TRIM44: variants seen among roughly 807,000 people sequenced by gnomAD.
TRIM44 encodes tripartite motif containing 44, also known as tripartite motif-containing protein 44.
TRIM44 carries 13 observed loss-of-function variants against 37.4 expected under a neutral mutation model. The ratio of observed to expected loss-of-function variants is 0.35; its 90% CI spans 0.23 to 0.55. The LOEUF is 0.55. Ranked by LOEUF, TRIM44 falls within the 20% of genes least tolerant of loss-of-function variation. The pLI, the probability that TRIM44 is intolerant of heterozygous loss-of-function variation, is 0.89. For missense variants in TRIM44, 426 were observed against 437.2 expected (o/e 0.97, Z 0.23); for synonymous variants, 175 against 157.2 (o/e 1.11, Z -0.85).
chr11:35,698,270 G>A (rs1404253869), intron 2 of TRIM44, among the ~76,000 whole-genome samples: 9 of 140,008 alleles, frequency 6.4e-5, no homozygotes, highest in African/African-American at 2.5e-4. Flanking sequence ...CTTTATAGCA[G>A]CATGATTTAT....
chr11:35,735,946 G>T (rs879621211), intron 4 of TRIM44, among the ~76,000 whole-genome samples: 3 of 151,972 alleles, frequency 2.0e-5, no homozygotes, highest in Non-Finnish European at 4.4e-5. Context: ...AATGTTCTTT[G>T]TGCTTCTGTA....
intron 1 of TRIM44, among the ~76,000 whole-genome samples, chr11:35,670,110 A>C (rs2135482923): frequency 6.6e-6 from 1 of 152,320 alleles, no homozygotes; most frequent in Non-Finnish European, 1.5e-5. Flanking sequence ...GGTGTGAGCC[A>C]CCATGCCTGG....
chr11:35,790,276 A>G (rs1393493216), intron 4 of TRIM44, among the ~76,000 whole-genome samples: 1 of 152,198 alleles, frequency 6.6e-6, no homozygotes, highest in Non-Finnish European at 1.5e-5. Context: ...GCTGAACTGT[A>G]AGGAACCTTC....
At chr11:35,675,780 A>G (rs1387028802) in intron 1 of TRIM44, among the ~76,000 whole-genome samples, 1 of 152,134 alleles carries the variant, frequency 6.6e-6, no homozygotes, top group African/African-American at 2.4e-5. Context: ...TCGGCCTCCC[A>G]AAGTGCTGGG....
At chr11:35,801,368 T>TAATC (rs1372478653) in intron 4 of TRIM44, among the ~76,000 whole-genome samples, 1 of 152,150 alleles carries the variant, frequency 6.6e-6, no homozygotes, top group Non-Finnish European at 1.5e-5. Flanking sequence ...TTTACAGCAA[T>TAATC]AATCAATTAA....
chr11:35,693,944 T>A (rs548038630), intron 2 of TRIM44, among the ~76,000 whole-genome samples: 1 of 152,134 alleles, frequency 6.6e-6, no homozygotes, highest in South Asian at 2.1e-4. Flanking sequence ...GAGTTTGGAG[T>A]ATGCTCCTTA....
At chr11:35,752,966 T>G (rs1852577211) in intron 4 of TRIM44, among the ~76,000 whole-genome samples, 1 of 152,226 alleles carries the variant, frequency 6.6e-6, no homozygotes, top group Admixed American at 6.5e-5. Flanking sequence ...GGGTAAAAAT[T>G]TTGTCCATTT....
chr11:35,690,536 G>A (rs1040650691), intron 2 of TRIM44, among the ~76,000 whole-genome samples: 2 of 152,128 alleles, frequency 1.3e-5, no homozygotes, highest in Admixed American at 1.3e-4. Flanking sequence ...GTATTCACTG[G>A]GGCACTGTTT....
intron 2 of TRIM44, among the ~76,000 whole-genome samples, chr11:35,699,609 C>T (rs1851756065): frequency 1.3e-5 from 2 of 151,702 alleles, no homozygotes; most frequent in Non-Finnish European, 2.9e-5. Flanking sequence ...CCAGGGCAAT[C>T]AGGCAGGAGA....
intron 4 of TRIM44, among the ~76,000 whole-genome samples, chr11:35,799,358 T>TCAG (rs1232569111): frequency 6.6e-6 from 1 of 152,216 alleles, no homozygotes; most frequent in African/African-American, 2.4e-5. Context: ...CAAGGCTCTC[T>TCAG]CAGAGGTCCC....
At chr11:35,688,321 G>T (rs1851603932) in intron 2 of TRIM44, among the ~76,000 whole-genome samples, 2 of 152,330 alleles carry the variant, frequency 1.3e-5, no homozygotes, top group South Asian at 4.1e-4. Context: ...ATTGGGGAAT[G>T]AGTTAATTTT....
At chr11:35,686,957 G>C (rs183139295) in intron 2 of TRIM44, among the ~76,000 whole-genome samples, 1 of 152,202 alleles carries the variant, frequency 6.6e-6, no homozygotes, top group Admixed American at 6.5e-5. Flanking sequence ...TCTCATTCCT[G>C]CTCTCCCCTT....
chr11:35,739,606 C>G (rs947007379), intron 4 of TRIM44, among the ~76,000 whole-genome samples: 2 of 152,140 alleles, frequency 1.3e-5, no homozygotes, highest in African/African-American at 2.4e-5. Context: ...GTCTTTGTCT[C>G]ATTCTCACAC....
intron 4 of TRIM44, among the ~76,000 whole-genome samples, chr11:35,789,170 A>G (rs1402223104): frequency 1.3e-5 from 2 of 152,270 alleles, no homozygotes; most frequent in East Asian, 1.9e-4. Flanking sequence ...TTGCAGTGGA[A>G]TGTTTTAAGT....
intron 3 of TRIM44, 58 bp from the exon 4 acceptor site, chr11:35,735,368 T>TGACA (rs1852315278): frequency 1.9e-6 from 3 of 1,591,670 alleles, no homozygotes; most frequent in Non-Finnish European, 2.6e-6. Flanking sequence ...GAAAGAAATC[T>TGACA]GACTCTGTCT....
At chr11:35,687,134 T>C (rs1342176292) in intron 2 of TRIM44, among the ~76,000 whole-genome samples, 1 of 152,254 alleles carries the variant, frequency 6.6e-6, no homozygotes, top group Non-Finnish European at 1.5e-5. Context: ...TCTTATGTCA[T>C]GCAAACCAAG....
intron 1 of TRIM44, among the ~76,000 whole-genome samples, chr11:35,680,559 T>G (rs915573053): frequency 2.0e-5 from 3 of 152,214 alleles, no homozygotes; most frequent in Non-Finnish European, 4.4e-5. Flanking sequence ...CCACAGTTTA[T>G]TTAGCCACCC....
intron 1 of TRIM44, among the ~76,000 whole-genome samples, chr11:35,680,409 T>A (rs1053063079): frequency 2.0e-5 from 3 of 152,160 alleles, no homozygotes; most frequent in Admixed American, 6.5e-5. Flanking sequence ...AATAATTTTT[T>A]AAAAAACTGT....
At chr11:35,713,217 CTT>C (rs1177825406) in intron 2 of TRIM44, among the ~76,000 whole-genome samples, 1 of 152,154 alleles carries the variant, frequency 6.6e-6, no homozygotes, top group East Asian at 1.9e-4. Context: ...TGTTTAATGA[CTT>C]TTGTTTACCT....
Sources: allele counts gnomAD v4.1 joint callset (sites outside exome capture counted in the v4.1 genomes callset), GRCh38; gene constraint gnomAD v4.1.1; transcripts MANE v1.5; gene names NCBI Gene and HGNC (gene_info 2026-07-23, HGNC 2026-07-21).